LOXL2: variants seen among roughly 807,000 people sequenced by gnomAD.
LOXL2 encodes lysyl oxidase like 2, also known as lysyl oxidase homolog 2.
Under a neutral mutation model 93.0 loss-of-function variants are expected in LOXL2, and 70 were observed. That is an observed-to-expected ratio of 0.75 (90% CI 0.62 to 0.92). The LOEUF (loss-of-function observed/expected upper bound fraction) is 0.92, where lower values mean the gene tolerates loss of function less well. Ranked by LOEUF, LOXL2 falls within the 40% of genes least tolerant of loss-of-function variation. The probability of loss-of-function intolerance (pLI) is 0.00; values close to 1 mark genes in which losing one functional copy is unlikely to be tolerated. For missense variants in LOXL2, 973 were observed against 1,054.9 expected (o/e 0.92, Z 1.08); for synonymous variants, 438 against 413.2 (o/e 1.06, Z -0.73).
chr8:23,321,979 G>A, intron 7 of LOXL2, 151 bp downstream of exon 7: 1 of 866,438 alleles, frequency 1.2e-6, no homozygotes, highest in African/African-American at 1.7e-5. Context: ...CGAGGTTCGA[G>A]GGGGAACTAA....
At chr8:23,359,554 C>A (rs921070013) in intron 3 of LOXL2, among the ~76,000 whole-genome samples, 3 of 152,100 alleles carry the variant, frequency 2.0e-5, no homozygotes, top group Admixed American at 1.3e-4. Flanking sequence ...CCTTCCAGCC[C>A]CCATTGACAG....
chr8:23,397,778 C>CAAA (rs57059999), intron 1 of LOXL2, among the ~76,000 whole-genome samples: 1 of 90,774 alleles, frequency 1.1e-5, no homozygotes. Flanking sequence ...GACTCTGTCT[C>CAAA]AAAAAAAAAA....
chr8:23,334,361 TTTTC>T (rs1422378408), intron 4 of LOXL2, among the ~76,000 whole-genome samples: 2 of 152,238 alleles, frequency 1.3e-5, no homozygotes, highest in Non-Finnish European at 2.9e-5. Flanking sequence ...TTAGCTTTAT[TTTTC>T]TTTGTCAATG....
At chr8:23,395,698 T>A (rs553332142) in intron 1 of LOXL2, among the ~76,000 whole-genome samples, 3 of 152,222 alleles carry the variant, frequency 2.0e-5, no homozygotes, top group African/African-American at 7.2e-5. Context: ...GACTTTATTA[T>A]TATTATTTTA....
At chr8:23,318,302 A>G (rs1244824340) in intron 8 of LOXL2, among the ~76,000 whole-genome samples, 1 of 152,110 alleles carries the variant, frequency 6.6e-6, no homozygotes, top group Non-Finnish European at 1.5e-5. Context: ...CAGACTTCAG[A>G]CCTGCCAGCC....
chr8:23,344,117 G>A (rs1329221454), intron 3 of LOXL2, among the ~76,000 whole-genome samples: 1 of 152,242 alleles, frequency 6.6e-6, no homozygotes, highest in Admixed American at 6.5e-5. Context: ...AGACCCCGCT[G>A]GAAAGAGCTA....
intron 3 of LOXL2, among the ~76,000 whole-genome samples, chr8:23,353,713 C>A (rs1307694679): frequency 6.6e-6 from 1 of 152,202 alleles, no homozygotes; most frequent in Non-Finnish European, 1.5e-5. Flanking sequence ...TCGAAGTCTG[C>A]AAAGCACTTT....
At position 23,309,840 on chromosome 8, in the gene LOXL2, T is replaced by A; in HGVS notation, c.1708A>T (p.Met570Leu). ...TTCTCCTCCATGGCACACTGCAGCA[T>A]GAACATGGGCCGGTCCTCCAGGTAG... ...TTYLEDRPMFMLQCAMEENCL... is the reference protein window; with the variant it reads ...TTYLEDRPMFLLQCAMEENCL... Residue 570 changes from methionine (M) to leucine (L), a missense_variant, in exon 10 of 14, where the codon ATG becomes TTG. By Grantham distance (15) the Met-to-Leu change is conservative. Transcript: ENST00000389131. 6.3e-7 allele frequency: 1 copy of A among 1,595,366 alleles called. No individual in the cohort carries two copies. Among genetic ancestry groups the A allele is most frequent in the Non-Finnish European group, 8.5e-7 (1 of 1,170,332 alleles).
rs973449000 is a variant in LOXL2 at position 23,348,246 on chromosome 8, G to A, written c.532-7043C>T. ...ACAGGGAGGGGAACATCACACACCGGGGCCTGTCGTGGGGTGGGGGGAGGG... is the reference window on the plus strand; with the variant it reads ...ACAGGGAGGGGAACATCACACACCGAGGCCTGTCGTGGGGTGGGGGGAGGG... On this transcript the variant is annotated intron_variant, in intron 3 of 13. Transcript: ENST00000389131. Among the ~76,000 whole-genome samples the A allele has an allele frequency of 1.0e-4, 14 of 134,898 alleles. No individual in the cohort carries two copies. The South Asian group carries it at 1.7e-3, about 17-fold the overall frequency. 88.5% of individuals were successfully genotyped at this position (134,898 alleles called of 152,430 possible). A position where few individuals can be genotyped will look rare whatever the true frequency, so the allele number is the denominator to read the frequency against.
chr8:23,403,338 G>C (rs1435044285), intron 1 of LOXL2, among the ~76,000 whole-genome samples: 21 of 152,124 alleles, frequency 1.4e-4, no homozygotes, highest in Non-Finnish European at 1.0e-4. Flanking sequence ...CTGGCGTGCC[G>C]AGAGCGCCTC....
Position 23,380,406 on chromosome 8 carries a change from A to AAGAAAG in LOXL2, c.-83-11973_-83-11972insCTTTCT, listed in dbSNP as rs779284344. ...GACTCCGTCTCAAAAAAAAAAAAAA[A>AAGAAAG]AAAAAGACATCTTAATCTGTGGATT... On this transcript the variant is annotated intron_variant, in intron 1 of 13. Transcript: ENST00000389131. 6.2e-5 allele frequency among the ~76,000 whole-genome samples: 8 copies of AAGAAAG among 128,490 alleles called. No homozygotes were observed. The South Asian group carries it at 1.4e-3, about 23-fold the overall frequency. The allele number at this position is 128,490 out of a possible 152,430, so 84.3% of individuals were successfully genotyped here. A position where few individuals can be genotyped will look rare whatever the true frequency, so the allele number is the denominator to read the frequency against.
chr8:23,341,438 T>A, intron 3 of LOXL2: 1 of 565,174 alleles, frequency 1.8e-6, no homozygotes, highest in Non-Finnish European at 3.2e-6. Context: ...GGGAGTGGGG[T>A]GACCTGGAAC....
chr8:23,376,400 CT>C (rs992160501), intron 1 of LOXL2, among the ~76,000 whole-genome samples: 21 of 152,058 alleles, frequency 1.4e-4, no homozygotes, highest in Admixed American at 1.1e-3. Context: ...CTAAAATTCT[CT>C]TTTTTTGTTG....
chr8:23,299,064 C>T (rs745809378), intron 12 of LOXL2, 117 bp from the exon 13 acceptor site: 3 of 656,326 alleles, frequency 4.6e-6, no homozygotes, highest in Non-Finnish European at 8.4e-6. Context: ...GTGCCGGGAC[C>T]CAAGACGGGG....
chr8:23,327,623 A>T (rs1460142371), intron 6 of LOXL2, among the ~76,000 whole-genome samples: 1 of 152,094 alleles, frequency 6.6e-6, no homozygotes, highest in East Asian at 1.9e-4. Flanking sequence ...TGTCTCGGGG[A>T]AGACTGGGCA....
chr8:23,328,620 G>A, intron 5 of LOXL2, 55 bp from the exon 6 acceptor site: 4 of 1,545,668 alleles, frequency 2.6e-6, no homozygotes, highest in Non-Finnish European at 8.9e-7. Context: ...TTCAGCGGGT[G>A]ACCACTGTCC....
chr8:23,309,985 G>GATAC, intron 9 of LOXL2, 74 bp from the exon 10 acceptor site: 1 of 1,392,748 alleles, frequency 7.2e-7, no homozygotes, highest in Non-Finnish European at 9.4e-7. Context: ...TTCTTGAGCT[G>GATAC]GGACAAACCC....
At chr8:23,318,228 G>A (rs1419964234) in intron 8 of LOXL2, among the ~76,000 whole-genome samples, 2 of 150,836 alleles carry the variant, frequency 1.3e-5, no homozygotes, top group Non-Finnish European at 2.9e-5. Flanking sequence ...AAGCCATTCT[G>A]ACCACAGACT....
At chr8:23,354,029 G>A (rs1804142070) in intron 3 of LOXL2, among the ~76,000 whole-genome samples, 1 of 152,176 alleles carries the variant, frequency 6.6e-6, no homozygotes, top group Non-Finnish European at 1.5e-5. Context: ...GCAGCTGTAG[G>A]AGTCCAGGGA....
Sources: allele counts gnomAD v4.1 joint callset (sites outside exome capture counted in the v4.1 genomes callset), GRCh38; gene constraint gnomAD v4.1.1; transcripts MANE v1.5; gene names NCBI Gene and HGNC (gene_info 2026-07-23, HGNC 2026-07-21).